The following RNF180 variants were observed in gnomAD, a reference collection of about 807,000 sequenced individuals.
RNF180 encodes ring finger protein 180, also known as E3 ubiquitin-protein ligase RNF180.
In RNF180, 38 loss-of-function variants were observed where a neutral mutation model predicts 59.2. The ratio of observed to expected loss-of-function variants is 0.64; its 90% CI spans 0.50 to 0.84. The LOEUF is 0.84. Among genes scored for constraint, RNF180 ranks in the 40% least tolerant of loss-of-function variants. The pLI, the probability that RNF180 is intolerant of heterozygous loss-of-function variation, is 0.00. For missense variants in RNF180, 705 were observed against 700.9 expected, an observed-to-expected ratio of 1.01 and a Z score of -0.07; for synonymous variants, 262 against 240.3, an observed-to-expected ratio of 1.09 and a Z score of -0.84.
rs1359295671 is a variant in RNF180, at chr5:64,369,829, A to G, written c.*15A>G. The G allele has an allele frequency of 6.1e-6, 8 of 1,318,850 alleles. No homozygotes were observed. The highest frequency in any genetic ancestry group is 8.1e-6 in the Non-Finnish European group (8 of 990,952). 81.7% of individuals were successfully genotyped at this position (1,318,850 alleles called of 1,614,324 possible). A position where few individuals can be genotyped will look rare whatever the true frequency, so the allele number is the denominator to read the frequency against. On this transcript the variant is annotated 3_prime_UTR_variant, in exon 8 of 8. Transcript: ENST00000389100. ...TTCCGTTTTAGGAATTTCATACCTTACTACAATTGACCAATCATAAATGAT... is the reference window on the plus strand; with the variant it reads ...TTCCGTTTTAGGAATTTCATACCTTGCTACAATTGACCAATCATAAATGAT...
chr5:64,318,870 A>G (rs922321786), intron 5 of RNF180, among the ~76,000 whole-genome samples: 1 of 152,186 alleles, frequency 6.6e-6, no homozygotes, highest in African/African-American at 2.4e-5. Context: ...TATGGAATTG[A>G]GAGTTCTCAT....
At chr5:64,225,018 A>G (rs1385113650) in intron 5 of RNF180, among the ~76,000 whole-genome samples, 1 of 152,184 alleles carries the variant, frequency 6.6e-6, no homozygotes, top group African/African-American at 2.4e-5. Context: ...TCTTGTCTCA[A>G]TAAATTACCC....
intron 1 of RNF180, among the ~76,000 whole-genome samples, chr5:64,178,853 A>G (rs566078913): frequency 5.9e-5 from 9 of 152,200 alleles, no homozygotes; most frequent in African/African-American, 2.2e-4. Flanking sequence ...TGTCATTTTC[A>G]TAGACAAGTG....
intron 1 of RNF180, among the ~76,000 whole-genome samples, chr5:64,192,903 G>GTGTGTGTATATATA (rs1486448173): frequency 9.6e-5 from 9 of 93,886 alleles, no homozygotes; most frequent in African/African-American, 3.7e-4. Flanking sequence ...AGTGTGGCAT[G>GTGTGTGTATATATA]TATATATATA....
At chr5:64,353,761 A>T (rs1745908884) in intron 7 of RNF180, among the ~76,000 whole-genome samples, 1 of 151,868 alleles carries the variant, frequency 6.6e-6, no homozygotes, top group South Asian at 2.1e-4. Context: ...AGATTGAAGC[A>T]ATACAAAGTA....
At position 64,274,674 on chromosome 5, in the gene RNF180, G is replaced by A. The variant is rs189569876; in HGVS notation, c.1228-50512G>A. On this transcript the variant is annotated intron_variant, in intron 5 of 7. Transcript: ENST00000389100. ...TAATTCAGCCTCACAGCCACAAATC[G>A]TGCAGATTTGGAGTGCTAGTTCTCC... is the stretch of plus-strand genomic sequence containing the variant. Among the ~76,000 whole-genome samples the A allele has an allele frequency of 1.4e-4, 22 of 152,008 alleles. No individual in the cohort carries two copies. The East Asian group carries it at 3.1e-3, about 21-fold the overall frequency.
chr5:64,344,310 A>G (rs894256231), intron 7 of RNF180, among the ~76,000 whole-genome samples: 47 of 152,132 alleles, frequency 3.1e-4, no homozygotes, highest in African/African-American at 1.1e-3. Flanking sequence ...AATGTAAAAA[A>G]TTAGACTTTA....
chr5:64,210,684 G>A (rs1169057293), intron 2 of RNF180, among the ~76,000 whole-genome samples: 1 of 152,102 alleles, frequency 6.6e-6, no homozygotes, highest in Non-Finnish European at 1.5e-5. Flanking sequence ...GACTTGCACT[G>A]AAGTACACCT....
chr5:64,316,213 A>G (rs1003655475), intron 5 of RNF180, among the ~76,000 whole-genome samples: 1 of 152,176 alleles, frequency 6.6e-6, no homozygotes, highest in Non-Finnish European at 1.5e-5. Context: ...CCCAGCTTTT[A>G]GTATTATTAT....
intron 5 of RNF180, among the ~76,000 whole-genome samples, chr5:64,308,906 C>G (rs1743610196): frequency 6.6e-6 from 1 of 151,596 alleles, no homozygotes; most frequent in Admixed American, 6.6e-5. Flanking sequence ...TTCTCCTAGT[C>G]CTGTTCTAGC....
At chr5:64,337,711 G>A (rs953988124) in intron 7 of RNF180, among the ~76,000 whole-genome samples, 1 of 131,954 alleles carries the variant, frequency 7.6e-6, no homozygotes, top group Admixed American at 9.8e-5. Flanking sequence ...CTGTGTCCAT[G>A]TGTTCTCATT....
chr5:64,246,798 C>T (rs1012189519), intron 5 of RNF180, among the ~76,000 whole-genome samples: 8 of 151,930 alleles, frequency 5.3e-5, no homozygotes, highest in African/African-American at 1.9e-4. Flanking sequence ...ACCTGACAGA[C>T]ACACAAGAAA....
rs1314937420 is a variant in RNF180 at position 64,293,176 on chromosome 5, G to T, written c.1228-32010G>T. ...GGGAGGAGTGTGGTTTCCCAGGTGG[G>T]TTCACACAATCACTCACTGCTTCCC... On this transcript the variant is annotated intron_variant, in intron 5 of 7. Transcript: ENST00000389100. Among the ~76,000 whole-genome samples, 3 of 152,198 alleles carry T rather than the reference G, an allele frequency of 2.0e-5. No homozygotes were observed. In the East Asian group the frequency reaches 5.8e-4, roughly 29 times the overall value.
intron 5 of RNF180, among the ~76,000 whole-genome samples, chr5:64,292,200 G>C (rs1742629791): frequency 6.6e-6 from 1 of 152,190 alleles, no homozygotes; most frequent in Non-Finnish European, 1.5e-5. Flanking sequence ...ATTTGGAGTA[G>C]AAAAGGCACT....
intron 5 of RNF180, among the ~76,000 whole-genome samples, chr5:64,259,658 C>A (rs1229806538): frequency 6.6e-6 from 1 of 152,126 alleles, no homozygotes; most frequent in African/African-American, 2.4e-5. Context: ...CACAGTGGCT[C>A]ACACCTGTAA....
intron 5 of RNF180, among the ~76,000 whole-genome samples, chr5:64,256,027 G>A (rs1277878090): frequency 2.0e-5 from 3 of 152,194 alleles, no homozygotes; most frequent in South Asian, 2.1e-4. Context: ...CATATCCTTC[G>A]CCCACTTGTT....
chr5:64,345,913 T>C (rs1348039837), intron 7 of RNF180, among the ~76,000 whole-genome samples: 3 of 152,204 alleles, frequency 2.0e-5, no homozygotes, highest in African/African-American at 7.2e-5. Context: ...AGTACAATTA[T>C]ATTGGCAGTT....
intron 1 of RNF180, among the ~76,000 whole-genome samples, chr5:64,193,126 G>C (rs1751268987): frequency 6.6e-6 from 1 of 151,622 alleles, no homozygotes; most frequent in South Asian, 2.1e-4. Flanking sequence ...CTGTCGGGAT[G>C]GGGGAAAGGA....
chr5:64,276,319 G>GGGGTGGGTGT (rs553123802), intron 5 of RNF180, among the ~76,000 whole-genome samples: 1 of 138,086 alleles, frequency 7.2e-6, no homozygotes, highest in African/African-American at 2.8e-5. Flanking sequence ...AAAATACATT[G>GGGGTGGGTGT]GTGTGTGTGT....
Sources: gnomAD v4.1 joint callset for allele counts (sites outside exome capture counted in the v4.1 genomes callset) on GRCh38, gnomAD v4.1.1 for gene constraint, MANE v1.5 for transcripts, NCBI Gene and HGNC (gene_info 2026-07-23, HGNC 2026-07-21) for gene names.